Variants in SRPK2 observed in about 807,000 individuals in gnomAD.
SRPK2 encodes the protein SRSF protein kinase 2.
In SRPK2, 21 loss-of-function variants were observed where a neutral mutation model predicts 90.8. The observed-to-expected ratio is 0.23, with a 90% CI of 0.16 to 0.33. SRPK2 has a LOEUF of 0.33. SRPK2 is among the 10% of genes least tolerant of loss of function. The pLI, the probability that SRPK2 is intolerant of heterozygous loss-of-function variation, is 1.00. For missense variants in SRPK2, 620 were observed against 869.0 expected (o/e 0.71, Z 3.60); for synonymous variants, 288 against 311.1 (o/e 0.93, Z 0.78).
rs1369284529 is a variant in SRPK2 at position 105,376,635 on chromosome 7, T to C, written c.71+12013A>G. ...CTCACTGCAACCTCCACCTCTCAGGTTCAAGCAATTCTCCTCCTCAGCCTC... is the reference window on the plus strand; with the variant it reads ...CTCACTGCAACCTCCACCTCTCAGGCTCAAGCAATTCTCCTCCTCAGCCTC... On this transcript the variant is annotated intron_variant, in intron 2 of 15. Coordinates refer to ENST00000393651, the MANE Select transcript of SRPK2 (RefSeq NM_182692.3). 5.3e-5 allele frequency among the ~76,000 whole-genome samples: 8 copies of C among 150,384 alleles called. No homozygotes were observed. In the East Asian group the frequency reaches 1.6e-3, roughly 30 times the overall value.
chr7:105,167,377 G>T lies in SRPK2; in HGVS notation c.514C>A (p.His172Asn). 1 of 1,609,052 alleles carries T rather than the reference G, an allele frequency of 6.2e-7. No homozygotes were observed. The highest frequency in any genetic ancestry group is 8.5e-7 in the Non-Finnish European group (1 of 1,175,976). Reference protein sequence around the residue: ...DFKISGMNGIHVCMVFEVLGH... With the variant: ...DFKISGMNGINVCMVFEVLGH... ...AAATAAATCAGGAAGTAAAGGATAC[G>T]TATCCCATTCATGCCTGAAATCTTG... is the stretch of plus-strand genomic sequence containing the variant. The change falls in exon 6 of 16, where the codon CAT becomes AAT. Residue 172 changes from histidine (H) to asparagine (N), a missense_variant and splice_region_variant. By Grantham distance (68) the His-to-Asn change is moderately conservative. Transcript: ENST00000393651.
chr7:105,118,817 A>T (rs2129571209), intron 15 of SRPK2, among the ~76,000 whole-genome samples: 1 of 152,220 alleles, frequency 6.6e-6, no homozygotes, highest in East Asian at 1.9e-4. Flanking sequence ...AGGCTGAGGC[A>T]GGAGCATTGC....
chr7:105,396,814 GAGAGAA>G lies in SRPK2; in HGVS notation n.153+2336_153+2341del, dbSNP rs1363920413. Reference sequence around the variant, plus strand: ...AGAAAGAGAAAGAGAAAGAAAGAAAGAGAGAAAGAGAGAGAGAGAGAGAAAGAAATA... The same window carrying G: ...AGAAAGAGAAAGAGAAAGAAAGAAAGAGAGAGAGAGAGAGAGAAAGAAATA... On this transcript the variant is annotated intron_variant and non_coding_transcript_variant, in intron 1 of 3. Coordinates refer to the SRPK2 transcript ENST00000462282. 7.0e-3 allele frequency among the ~76,000 whole-genome samples: 693 copies of G among 99,314 alleles called. 2 individuals are homozygous for G. Among genetic ancestry groups the G allele is most frequent in the African/African-American group, 0.015 (458 of 31,436 alleles). The allele number at this position is 99,314 out of a possible 152,430, so 65.2% of individuals were successfully genotyped here. A position where few individuals can be genotyped will look rare whatever the true frequency, so the allele number is the denominator to read the frequency against.
chr7:105,305,406 ACACAGTC>A (rs67387700), intron 2 of SRPK2, among the ~76,000 whole-genome samples: 25,151 of 151,884 alleles, frequency 0.17, 2,728 homozygotes, highest in East Asian at 0.58. Flanking sequence ...AGACTGTGCC[ACACAGTC>A]TCGCACAATA....
chr7:105,222,086 A>C (rs568048629), intron 2 of SRPK2, among the ~76,000 whole-genome samples: 2 of 152,342 alleles, frequency 1.3e-5, no homozygotes, highest in East Asian at 3.9e-4. Context: ...AGTCTTGGGA[A>C]GATTGTATAT....
At chr7:105,349,081 G>A (rs1816827612) in intron 2 of SRPK2, among the ~76,000 whole-genome samples, 1 of 148,456 alleles carries the variant, frequency 6.7e-6, no homozygotes, top group Non-Finnish European at 1.5e-5. Context: ...GGAGGCGGAG[G>A]TTGCAGTGAG....
chr7:105,137,375 G>A (rs1052725283), intron 11 of SRPK2, among the ~76,000 whole-genome samples: 2 of 152,270 alleles, frequency 1.3e-5, no homozygotes, highest in East Asian at 1.9e-4. Context: ...TGTTGGTGAG[G>A]CGAGGGTGGG....
At position 105,278,351 on chromosome 7, in the gene SRPK2, G is replaced by A. The variant is rs932695643; in HGVS notation, c.72-74566C>T. ...AAAAAAGATAATTATTTGATTATTA[G>A]AGAATACATAACAAAGCCCTTAAAC... On this transcript the variant is annotated intron_variant, in intron 2 of 15. Coordinates refer to ENST00000393651, the MANE Select transcript of SRPK2 (RefSeq NM_182692.3). 3.3e-5 allele frequency among the ~76,000 whole-genome samples: 5 copies of A among 149,852 alleles called. No individual in the cohort carries two copies. The East Asian group carries it at 9.7e-4, about 29-fold the overall frequency.
chr7:105,219,034 A>G (rs1161805739), intron 2 of SRPK2, among the ~76,000 whole-genome samples: 1 of 152,136 alleles, frequency 6.6e-6, no homozygotes, highest in Admixed American at 6.6e-5. Context: ...TACTGACCAG[A>G]AAACAGTCCA....
chr7:105,122,595 A>C (rs867484550), intron 15 of SRPK2, among the ~76,000 whole-genome samples: 3 of 152,178 alleles, frequency 2.0e-5, no homozygotes, highest in Non-Finnish European at 4.4e-5. Flanking sequence ...ACACTGTGAC[A>C]AGTTCAGCTC....
chr7:105,270,881 A>G (rs773792132), intron 2 of SRPK2, among the ~76,000 whole-genome samples: 31 of 152,316 alleles, frequency 2.0e-4, no homozygotes, highest in Non-Finnish European at 4.0e-4. Flanking sequence ...GGATGCCATG[A>G]GCCCTCCCTG....
In SRPK2 at chr7:105,219,013, G is replaced by A. The variant is rs533149614; in HGVS notation, c.72-15228C>T. On this transcript the variant is annotated intron_variant, in intron 2 of 15. Coordinates refer to ENST00000393651, the MANE Select transcript of SRPK2 (RefSeq NM_182692.3). ...TAAGCAGCTATAAGCAAAAGTGGCC[G>A]CAGAAATAGATACTGACCAGAAAAC... 1.0e-3 allele frequency among the ~76,000 whole-genome samples: 154 copies of A among 152,164 alleles called. 1 individual carries two copies. The highest frequency in any genetic ancestry group is 1.9e-3 in the African/African-American group (80 of 41,516).
intron 2 of SRPK2, among the ~76,000 whole-genome samples, chr7:105,243,674 A>G (rs1801159139): frequency 6.6e-6 from 1 of 151,976 alleles, no homozygotes; most frequent in East Asian, 1.9e-4. Context: ...AATCTCAAAT[A>G]ACGAACGGTA....
At chr7:105,201,667 G>A (rs959515658) in intron 3 of SRPK2, among the ~76,000 whole-genome samples, 3 of 152,102 alleles carry the variant, frequency 2.0e-5, no homozygotes, top group Admixed American at 1.3e-4. Flanking sequence ...TTAACCAGGG[G>A]TGGTGACACA....
chr7:105,203,508 A>G (rs1228041024), intron 3 of SRPK2, 120 bp downstream of exon 3: 1 of 1,110,304 alleles, frequency 9.0e-7, no homozygotes, highest in African/African-American at 1.6e-5. Context: ...CAAGGAGGCT[A>G]ATTTAATGAA....
In SRPK2 at chr7:105,146,390, A is replaced by G. The variant is rs541955306; in HGVS notation, c.787+103T>C. 2.2e-4 allele frequency: 272 copies of G among 1,243,298 alleles called. 1 individual carries two copies. In the East Asian group the frequency reaches 6.3e-3, roughly 29 times the overall value. The allele number at this position is 1,243,298 out of a possible 1,614,324, so 77.0% of individuals were successfully genotyped here. On this transcript the variant is annotated intron_variant, in intron 8 of 15. Transcript: ENST00000393651. ...TTTCCAGCAATTAAACTTTTCCAAA[A>G]TCTTCCTTATGTGTAACGTTTGATT...
chr7:105,255,275 GC>G (rs977959118), intron 2 of SRPK2, among the ~76,000 whole-genome samples: 18 of 151,570 alleles, frequency 1.2e-4, no homozygotes, highest in Non-Finnish European at 5.9e-5. Flanking sequence ...GAAGCTTAAA[GC>G]CAATTTTGTT....
intron 15 of SRPK2, among the ~76,000 whole-genome samples, chr7:105,121,413 TG>T (rs1305044087): frequency 7.3e-5 from 11 of 150,442 alleles, no homozygotes; most frequent in African/African-American, 2.7e-4. Context: ...TATATGAAGA[TG>T]TGTTTCACTG....
intron 2 of SRPK2, among the ~76,000 whole-genome samples, chr7:105,240,596 A>G (rs1459940387): frequency 1.3e-5 from 2 of 149,352 alleles, no homozygotes; most frequent in African/African-American, 5.0e-5. Flanking sequence ...GAAGAAAAGG[A>G]AAAAAAAAAT....
Sources: allele counts gnomAD v4.1 joint callset (sites outside exome capture counted in the v4.1 genomes callset), GRCh38; gene constraint gnomAD v4.1.1; transcripts MANE v1.5; gene names NCBI Gene and HGNC (gene_info 2026-07-23, HGNC 2026-07-21).